Variants in DZANK1 observed in about 807,000 individuals in gnomAD.
DZANK1 encodes the protein double zinc ribbon and ankyrin repeat domains 1.
DZANK1 carries 91 observed loss-of-function variants against 94.5 expected under a neutral mutation model. The ratio of observed to expected loss-of-function variants is 0.96; its 90% CI spans 0.81 to 1.15. The LOEUF is 1.15. Ranked by LOEUF, DZANK1 falls within the 50% of genes most tolerant of loss-of-function variation. The pLI is 0.00. For missense variants in DZANK1, 903 were observed against 916.4 expected, an observed-to-expected ratio of 0.99 and a Z score of 0.19; for synonymous variants, 312 against 325.3, an observed-to-expected ratio of 0.96 and a Z score of 0.44.
intron 7 of DZANK1, among the ~76,000 whole-genome samples, chr20:18,445,703 C>G (rs1438988249): frequency 1.3e-5 from 2 of 152,076 alleles, no homozygotes; most frequent in Non-Finnish European, 2.9e-5. Context: ...GAGTTCAAGA[C>G]CAGCCTGGGC....
chr20:18,427,069 C>G, exon 10 of DZANK1: 1 of 1,609,272 alleles, frequency 6.2e-7, no homozygotes, highest in Non-Finnish European at 8.5e-7. Context: ...CAACCTACCT[C>G]TTGTGATGAA....
At chr20:18,449,987 A>G (rs1343472993) in intron 6 of DZANK1, among the ~76,000 whole-genome samples, 1 of 151,834 alleles carries the variant, frequency 6.6e-6, no homozygotes, top group African/African-American at 2.4e-5. Flanking sequence ...CTGAGGCAGG[A>G]GAATCGCTTG....
chr20:18,412,546 A>T, intron 13 of DZANK1, 100 bp downstream of exon 13: 1 of 1,207,784 alleles, frequency 8.3e-7, no homozygotes, highest in Non-Finnish European at 1.2e-6. Context: ...CTTACTTCTT[A>T]CACATACAAA....
At chr20:18,394,713 T>C (rs773174588) in intron 15 of DZANK1, 36 of 493,318 alleles carry the variant, frequency 7.3e-5, no homozygotes, top group Non-Finnish European at 1.4e-4. Flanking sequence ...ATTTCTCTGC[T>C]TAAAGTCCTT....
intron 7 of DZANK1, among the ~76,000 whole-genome samples, chr20:18,447,265 C>G (rs1385104631): frequency 1.3e-5 from 2 of 151,924 alleles, no homozygotes; most frequent in Non-Finnish European, 2.9e-5. Flanking sequence ...CACCTGAGGT[C>G]AGAAGTTCTA....
At chr20:18,389,437 T>C (rs1403625179) in intron 19 of DZANK1, among the ~76,000 whole-genome samples, 1 of 152,218 alleles carries the variant, frequency 6.6e-6, no homozygotes, top group Non-Finnish European at 1.5e-5. Flanking sequence ...CCCCACACAG[T>C]ATAAGTTTAT....
intron 2 of DZANK1, among the ~76,000 whole-genome samples, chr20:18,464,076 T>C (rs1400566248): frequency 6.6e-6 from 1 of 151,818 alleles, no homozygotes; most frequent in Non-Finnish European, 1.5e-5. Flanking sequence ...CTTTTTTCTT[T>C]TTCTTTTTTT....
At chr20:18,384,872 G>A (rs1254051494) in intron 20 of DZANK1, 144 bp downstream of exon 20, 2 of 788,176 alleles carry the variant, frequency 2.5e-6, no homozygotes, top group African/African-American at 1.8e-5. Context: ...AAAGCCCTCA[G>A]TGCCCCGGAA....
chr20:18,411,114 CAA>C (rs1411138223), intron 13 of DZANK1, among the ~76,000 whole-genome samples: 16 of 151,960 alleles, frequency 1.1e-4, no homozygotes, highest in African/African-American at 2.4e-5. Flanking sequence ...AGAGCAAAGT[CAA>C]CTTAAAGTAA....
intron 10 of DZANK1, among the ~76,000 whole-genome samples, chr20:18,423,871 A>C (rs1043005903): frequency 1.6e-4 from 24 of 152,174 alleles, no homozygotes; most frequent in African/African-American, 5.8e-4. Flanking sequence ...TCTCATCTTA[A>C]AAATTAGAAA....
chr20:18,395,911 A>G (rs2148248044), intron 15 of DZANK1, among the ~76,000 whole-genome samples: 1 of 152,258 alleles, frequency 6.6e-6, no homozygotes, highest in South Asian at 2.1e-4. Context: ...TTCTATCCCA[A>G]TTTCAACAAC....
At chr20:18,404,832 AG>A (rs1322568272) in intron 13 of DZANK1, among the ~76,000 whole-genome samples, 1 of 152,108 alleles carries the variant, frequency 6.6e-6, no homozygotes, top group Non-Finnish European at 1.5e-5. Context: ...AGATCTCTTG[AG>A]CCCAAGATTT....
intron 6 of DZANK1, chr20:18,451,926 C>G: frequency 1.9e-6 from 1 of 518,884 alleles, no homozygotes; most frequent in Non-Finnish European, 3.8e-6. Flanking sequence ...TGTGGCCAAA[C>G]AGAAAACTTT....
At chr20:18,432,362 T>C (rs890773905) in intron 9 of DZANK1, 2 of 152,162 alleles carry the variant, frequency 1.3e-5, no homozygotes, top group African/African-American at 2.4e-5. Context: ...GAAAAATAGA[T>C]TTCTCTCTCC....
intron 9 of DZANK1, among the ~76,000 whole-genome samples, chr20:18,427,986 T>A (rs1384724180): frequency 2.0e-5 from 3 of 151,130 alleles, no homozygotes; most frequent in African/African-American, 7.3e-5. Context: ...CCGTCTCTAC[T>A]AAAAATACAA....
chr20:18,384,643 T>TG, intron 20 of DZANK1, 79 bp from the exon 21 acceptor site: 1 of 1,445,324 alleles, frequency 6.9e-7, no homozygotes. Flanking sequence ...TACCCTGCCA[T>TG]GGAGGCCAGG....
At chr20:18,405,412 A>G (rs1487064954) in intron 13 of DZANK1, among the ~76,000 whole-genome samples, 2 of 152,162 alleles carry the variant, frequency 1.3e-5, no homozygotes, top group African/African-American at 4.8e-5. Context: ...CAACGTAAAA[A>G]AAAGAGAGAA....
chr20:18,442,725 T>A (rs879610350), intron 8 of DZANK1, among the ~76,000 whole-genome samples: 2 of 152,140 alleles, frequency 1.3e-5, no homozygotes, highest in African/African-American at 2.4e-5. Context: ...ATATCACAGA[T>A]CCCTTTATTT....
At chr20:18,384,713 G>T in intron 20 of DZANK1, 149 bp from the exon 21 acceptor site, 1 of 835,828 alleles carries the variant, frequency 1.2e-6, no homozygotes, top group Non-Finnish European at 1.8e-6. Context: ...AGTGACTTCA[G>T]TTCTCAGAGG....
Sources: gnomAD v4.1 joint callset for allele counts (sites outside exome capture counted in the v4.1 genomes callset) on GRCh38, gnomAD v4.1.1 for gene constraint, MANE v1.5 for transcripts, NCBI Gene and HGNC (gene_info 2026-07-23, HGNC 2026-07-21) for gene names.